Variants in HLA-DOB observed in about 807,000 individuals in gnomAD.
The protein encoded by HLA-DOB is major histocompatibility complex, class II, DO beta.
HLA-DOB carries 25 observed loss-of-function variants against 27.7 expected under a neutral mutation model. That is an observed-to-expected ratio of 0.90 (90% CI 0.66 to 1.26). HLA-DOB has a LOEUF of 1.26. HLA-DOB is among the 50% of genes most tolerant of loss of function. HLA-DOB has a pLI of 0.00. For synonymous variants in HLA-DOB, 137 were observed against 125.6 expected (o/e 1.09, Z -0.61); for missense variants, 306 against 324.9 (o/e 0.94, Z 0.45).
chr6:32,812,988 C>A lies in HLA-DOB; in HGVS notation c.*228G>T. 1.7e-6 allele frequency: 1 copy of A among 591,706 alleles called. No individual in the cohort carries two copies. The highest frequency in any genetic ancestry group is 1.9e-5 in the African/African-American group (1 of 53,752). The allele number at this position is 591,706 out of a possible 1,614,324, so 36.7% of individuals were successfully genotyped here. A position where few individuals can be genotyped will look rare whatever the true frequency, so the allele number is the denominator to read the frequency against. ...TCTCAGGGGAGTTTCTGGACAATGC[C>A]CTTGGCAATGGGGATTAATGATGTA... On this transcript the variant is annotated 3_prime_UTR_variant, in exon 6 of 6. Transcript: ENST00000438763.
Position 32,816,927 on chromosome 6 carries a change from C to A in HLA-DOB, c.25G>T (p.Val9Leu). 6.2e-7 allele frequency: 1 copy of A among 1,612,906 alleles called. No individual in the cohort carries two copies. The highest frequency in any genetic ancestry group is 8.5e-7 in the Non-Finnish European group (1 of 1,179,930). ...GTCAGATTCACTAGCAGAGCCACCA[C>A]CCAGGGGACCCACCCAGAACCCATT... MGSGWVPW[V>L]VALLVNLTRL... Residue 9 changes from valine (V) to leucine (L), a missense_variant, in exon 1 of 6, where the codon GTG becomes TTG. Transcript: ENST00000438763.
At chr6:32,814,998 A>T in intron 2 of HLA-DOB, 46 bp downstream of exon 2, 2 of 1,603,716 alleles carry the variant, frequency 1.2e-6, no homozygotes, top group Non-Finnish European at 1.7e-6. Context: ...CCAGGTTCAC[A>T]TGGGGGACAT....
At position 32,813,485 on chromosome 6, in the gene HLA-DOB, G is replaced by T. The variant is rs770141135; in HGVS notation, c.755-14C>A. On this transcript the variant is annotated splice_polypyrimidine_tract_variant and intron_variant, in intron 4 of 5. Coordinates refer to ENST00000438763, the MANE Select transcript of HLA-DOB (RefSeq NM_002120.4). The stretch of plus-strand genomic sequence containing the variant: ...TCCTCACATATCCTGGAAAGAAATC[G>T]AGAAAAGAATGGATTGCCCCAATTA... The T allele has an allele frequency of 6.2e-7, 1 of 1,612,144 alleles. No homozygotes were observed. The highest frequency in any genetic ancestry group is 2.2e-5 in the East Asian group (1 of 44,890).
intron 1 of HLA-DOB, among the ~76,000 whole-genome samples, chr6:32,816,347 C>T (rs1768018648): frequency 6.6e-6 from 1 of 152,184 alleles, no homozygotes; most frequent in Non-Finnish European, 1.5e-5. Flanking sequence ...GTATTCTATT[C>T]AACTTCTCTT....
In HLA-DOB at chr6:32,815,130, TC is replaced by T; in HGVS notation, c.274del (p.Asp92IlefsTer34). Reference sequence around the variant, plus strand: ...GGCCTGTCTGCTCCTCTCCAAGAGATCCAGCCGGCTGTTCCACTGCTCAGCA... The same window carrying T: ...GGCCTGTCTGCTCCTCTCCAAGAGATCAGCCGGCTGTTCCACTGCTCAGCA... ...PDAEQWNSRL[D>X]LLERSRQAVD... On this transcript the variant is annotated frameshift_variant, in exon 2 of 6. Transcript: ENST00000438763. LOFTEE classifies it high-confidence loss of function. 1 of 1,614,194 alleles carries T rather than the reference TC, an allele frequency of 6.2e-7. No individual in the cohort carries two copies. Among genetic ancestry groups the T allele is most frequent in the Non-Finnish European group, 8.5e-7 (1 of 1,180,040 alleles).
intron 1 of HLA-DOB, among the ~76,000 whole-genome samples, 166 bp downstream of exon 1, chr6:32,816,695 T>A (rs946636606): frequency 6.6e-6 from 1 of 152,166 alleles, no homozygotes; most frequent in African/African-American, 2.4e-5. Context: ...GTCCATCCCA[T>A]GTAAAGAGGC....
Position 32,814,335 on chromosome 6 carries a change from CA to C in HLA-DOB, c.627del (p.Val210PhefsTer17). Reference protein sequence around the residue: ...CLVDHSSLLSPVSVEWRAQSE... With the variant: ...CLVDHSSLLSXVSVEWRAQSE... ...TAATTCTCACTCCACTCCACAGAAA[CA>C]GGGCTCAGCAGGCTGGAGTGATCGA... is the stretch of plus-strand genomic sequence containing the variant. On this transcript the variant is annotated frameshift_variant, in exon 3 of 6. Transcript: ENST00000438763. LOFTEE classifies it high-confidence loss of function. 6.2e-7 allele frequency: 1 copy of C among 1,612,944 alleles called. No homozygotes were observed. Among genetic ancestry groups the C allele is most frequent in the Non-Finnish European group, 8.5e-7 (1 of 1,179,974 alleles).
chr6:32,813,677 G>A, intron 4 of HLA-DOB, 46 bp downstream of exon 4: 1 of 1,290,934 alleles, frequency 7.7e-7, no homozygotes, highest in Non-Finnish European at 1.1e-6. Context: ...GTGGGAGTGG[G>A]GAAGGTCTGG....
Position 32,815,019 on chromosome 6 carries a change from C to T in HLA-DOB, c.361+25G>A, listed in dbSNP as rs375829050. On this transcript the variant is annotated intron_variant, in intron 2 of 5. Transcript: ENST00000438763. ...TCACATGGGGGACATTCCTGAGCCC[C>T]GCCAGACCTCAGCTTCCAGCTCACC... The T allele has an allele frequency of 2.0e-5, 33 of 1,611,664 alleles. No homozygotes were observed. In the African/African-American group the frequency reaches 2.8e-4, roughly 14 times the overall value.
At position 32,813,809 on chromosome 6, in the gene HLA-DOB, C is replaced by G. The variant is rs376049376; in HGVS notation, c.668G>C (p.Arg223Thr). Residue 223 changes from arginine (R) to threonine (T), a missense_variant, in exon 4 of 6, where the codon AGA (arginine) becomes ACA (threonine). Coordinates refer to ENST00000438763, the MANE Select transcript of HLA-DOB (RefSeq NM_002120.4). ...EWRAQSEYSW[R>T]KMLSGIAAFL... ...GGCTGCAATGCCACTCAGCATCTTTCTCCAAGAATATTCAGACTGAGCTCC... is the reference window on the plus strand; with the variant it reads ...GGCTGCAATGCCACTCAGCATCTTTGTCCAAGAATATTCAGACTGAGCTCC... 1.3e-6 allele frequency: 2 copies of G among 1,560,184 alleles called. No individual in the cohort carries two copies. Among genetic ancestry groups the G allele is most frequent in the Admixed American group, 3.8e-5 (2 of 52,184 alleles).
Position 32,814,359 on chromosome 6 carries a change from C to A in HLA-DOB, c.604G>T (p.Asp202Tyr). The A allele has an allele frequency of 6.2e-7, 1 of 1,612,984 alleles. No individual in the cohort carries two copies. Among genetic ancestry groups the A allele is most frequent in the Non-Finnish European group, 8.5e-7 (1 of 1,180,008 alleles). The stretch of plus-strand genomic sequence containing the variant: ...ACAGGGCTCAGCAGGCTGGAGTGAT[C>A]GACAAGGCAGGTGTAGACATGTCCA... Reference protein sequence around the residue: ...ELGHVYTCLVDHSSLLSPVSV... With the variant: ...ELGHVYTCLVYHSSLLSPVSV... The change falls in exon 3 of 6, where the codon GAT becomes TAT. Residue 202 changes from aspartate (D) to tyrosine (Y), a missense_variant. Asp to Tyr is a radical substitution (Grantham distance 160). Coordinates refer to ENST00000438763, the MANE Select transcript of HLA-DOB (RefSeq NM_002120.4).
chr6:32,816,821 T>C, intron 1 of HLA-DOB, 40 bp downstream of exon 1: 2 of 1,527,106 alleles, frequency 1.3e-6, no homozygotes, highest in Middle Eastern at 3.4e-4. Flanking sequence ...ATGCCAATTC[T>C]TGCATACACA....
In HLA-DOB at chr6:32,813,009, A is replaced by T; in HGVS notation, c.*207T>A. 1 of 611,886 alleles carries T rather than the reference A, an allele frequency of 1.6e-6. No homozygotes were observed. The highest frequency in any genetic ancestry group is 2.9e-6 in the Non-Finnish European group (1 of 342,698). 37.9% of individuals were successfully genotyped at this position (611,886 alleles called of 1,614,324 possible). On this transcript the variant is annotated 3_prime_UTR_variant, in exon 6 of 6. Coordinates refer to ENST00000438763, the MANE Select transcript of HLA-DOB (RefSeq NM_002120.4). ...ATGCCCTTGGCAATGGGGATTAATG[A>T]TGTACACGTAGAAGGGAGAAGGGCA...
Position 32,815,141 on chromosome 6 carries a change from G to C in HLA-DOB, c.264C>G (p.Asn88Lys). The change falls in exon 2 of 6, where the codon AAC becomes AAG. Residue 88 changes from asparagine (N) to lysine (K), a missense_variant. Asn to Lys is a moderately conservative substitution (Grantham distance 94, BLOSUM62 0). Transcript: ENST00000438763. ...TCCTCTCCAAGAGATCCAGCCGGCTGTTCCACTGCTCAGCATCTGGCTGCC... is the reference window on the plus strand; with the variant it reads ...TCCTCTCCAAGAGATCCAGCCGGCTCTTCCACTGCTCAGCATCTGGCTGCC... ...KLGQPDAEQWNSRLDLLERSR... is the reference protein window; with the variant it reads ...KLGQPDAEQWKSRLDLLERSR... 6.2e-7 allele frequency: 1 copy of C among 1,614,190 alleles called. No homozygotes were observed. Among genetic ancestry groups the C allele is most frequent in the Non-Finnish European group, 8.5e-7 (1 of 1,180,040 alleles).
rs771344909 is a variant in HLA-DOB at position 32,815,227 on chromosome 6, A to G, written c.178T>C (p.Leu60=). The change falls in exon 2 of 6, where the codon TTG becomes CTG. Residue 60 remains leucine (L), a synonymous_variant. Coordinates refer to ENST00000438763, the MANE Select transcript of HLA-DOB (RefSeq NM_002120.4). ...CTGTCGAAACGTACATACTCCTCCA[A>G]GTTAAAGATGAATCTGACCACAAAC... The part of the protein sequence containing the change: ...VQFVVRFIFN[L]EEYVRFDSDV... 1 of 1,614,194 alleles carries G rather than the reference A, an allele frequency of 6.2e-7. No homozygotes were observed. Among genetic ancestry groups the G allele is most frequent in the Admixed American group, 1.7e-5 (1 of 60,024 alleles).
Position 32,815,204 on chromosome 6 carries a change from G to A in HLA-DOB, c.201C>T (p.Asp67=). The change falls in exon 2 of 6, where the codon GAC becomes GAT. Residue 67 remains aspartate (D), a synonymous_variant. Coordinates refer to ENST00000438763, the MANE Select transcript of HLA-DOB (RefSeq NM_002120.4). The stretch of plus-strand genomic sequence containing the variant: ...ATGCCACAAACATCCCCACATCACT[G>A]TCGAAACGTACATACTCCTCCAAGT... ...IFNLEEYVRF[D]SDVGMFVALT... 1 of 1,614,168 alleles carries A rather than the reference G, an allele frequency of 6.2e-7. No homozygotes were observed. The highest frequency in any genetic ancestry group is 8.5e-7 in the Non-Finnish European group (1 of 1,180,048).
At chr6:32,813,395 G>A (rs763553730) in intron 5 of HLA-DOB, 45 bp downstream of exon 5, 105 of 1,607,496 alleles carry the variant, frequency 6.5e-5, no homozygotes, top group Non-Finnish European at 3.1e-5. Context: ...CCAAAGAACC[G>A]GGAGAATGAT....
chr6:32,813,582 T>A, intron 4 of HLA-DOB, 111 bp from the exon 5 acceptor site: 1 of 1,335,432 alleles, frequency 7.5e-7, no homozygotes, highest in Admixed American at 1.8e-5. Context: ...CTTATCCCAT[T>A]TCTAGCTTCA....
chr6:32,813,843 A>G lies in HLA-DOB; in HGVS notation c.644-10T>C, dbSNP rs1156635868. On this transcript the variant is annotated splice_polypyrimidine_tract_variant and intron_variant, in intron 3 of 5. Coordinates refer to ENST00000438763, the MANE Select transcript of HLA-DOB (RefSeq NM_002120.4). ...TATTCAGACTGAGCTCCTATGGGAAACAGGTCTTTAAATTAGTAAAAATAT... is the reference window on the plus strand; with the variant it reads ...TATTCAGACTGAGCTCCTATGGGAAGCAGGTCTTTAAATTAGTAAAAATAT... The G allele has an allele frequency of 1.3e-6, 2 of 1,492,052 alleles. No individual in the cohort carries two copies. Among genetic ancestry groups the G allele is most frequent in the Admixed American group, 2.0e-5 (1 of 50,964 alleles). 92.4% of individuals were successfully genotyped at this position (1,492,052 alleles called of 1,614,324 possible).
Sources: gnomAD v4.1 joint callset for allele counts (sites outside exome capture counted in the v4.1 genomes callset) on GRCh38, gnomAD v4.1.1 for gene constraint, MANE v1.5 for transcripts, NCBI Gene and HGNC (gene_info 2026-07-23, HGNC 2026-07-21) for gene names.